Variants in FARP2 observed in about 807,000 individuals in gnomAD.
FARP2 encodes FERM, ARHGEF and pleckstrin domain-containing protein 2.
Under a neutral mutation model 130.5 loss-of-function variants are expected in FARP2, and 111 were observed. That is an observed-to-expected ratio of 0.85 (90% confidence interval 0.73 to 1.00). FARP2 has a LOEUF of 1.00. Ranked by LOEUF, FARP2 falls within the 50% of genes least tolerant of loss-of-function variation. The pLI, the probability that FARP2 is intolerant of heterozygous loss-of-function variation, is 0.00. For missense variants in FARP2, 1,385 were observed against 1,346.3 expected (o/e 1.03, Z -0.45); for synonymous variants, 504 against 516.9 (o/e 0.98, Z 0.34).
chr2:241,371,201 T>C (rs1165961839), intron 1 of FARP2, among the ~76,000 whole-genome samples: 1 of 152,192 alleles, frequency 6.6e-6, no homozygotes, highest in African/African-American at 2.4e-5. Flanking sequence ...AAAAAGGTTC[T>C]TTTCTAGGTG....
At chr2:241,437,727 C>T (rs1337582614) in intron 12 of FARP2, among the ~76,000 whole-genome samples, 16 of 148,288 alleles carry the variant, frequency 1.1e-4, no homozygotes, top group African/African-American at 3.2e-4. Context: ...TATAGTGGCG[C>T]GATCTCGGCT....
Position 241,474,801 on chromosome 2 carries a change from T to TAATAAATAAATA in FARP2, c.2132-1029_2132-1018dup, listed in dbSNP as rs56306612. Reference sequence around the variant, plus strand: ...AGTGAGACCCTGTCTCTAATAATAATAATAAATAAATAAATAAATAAATAA... The same window carrying TAATAAATAAATA: ...AGTGAGACCCTGTCTCTAATAATAATAATAAATAAATAAATAAATAAATAAATAAATAAATAA... On this transcript the variant is annotated intron_variant, in intron 18 of 26. Coordinates refer to ENST00000264042, the MANE Select transcript of FARP2 (RefSeq NM_014808.4). Among the ~76,000 whole-genome samples, 1,306 of 140,308 alleles carry TAATAAATAAATA rather than the reference T, an allele frequency of 9.3e-3. 8 individuals are homozygous for TAATAAATAAATA. The highest frequency in any genetic ancestry group is 0.015 in the East Asian group (71 of 4,720). 92.0% of individuals were successfully genotyped at this position (140,308 alleles called of 152,430 possible). A position where few individuals can be genotyped will look rare whatever the true frequency, so the allele number is the denominator to read the frequency against.
chr2:241,464,580 A>C (rs979638334), intron 17 of FARP2, among the ~76,000 whole-genome samples: 9 of 152,134 alleles, frequency 5.9e-5, no homozygotes, highest in African/African-American at 2.2e-4. Flanking sequence ...GGGTCCACCC[A>C]AAACAGGGTC....
chr2:241,416,580 A>G (rs2062679136), intron 7 of FARP2, among the ~76,000 whole-genome samples: 2 of 152,144 alleles, frequency 1.3e-5, no homozygotes, highest in East Asian at 1.9e-4. Context: ...ACTGAATAGG[A>G]TATTAAAGAA....
Position 241,482,135 on chromosome 2 carries a change from C to A in FARP2, c.2263-1330C>A, listed in dbSNP as rs540011711. On this transcript the variant is annotated intron_variant, in intron 19 of 26. Coordinates refer to ENST00000264042, the MANE Select transcript of FARP2 (RefSeq NM_014808.4). The surrounding 1 kb of genome is among the most constrained non-coding windows in gnomAD (Gnocchi z 4.6). ...AACCAGGTATAAAGTTGATGAGGTG[C>A]CAAAGGGTAAAAAGAACTGTGAAGT... 2.6e-5 allele frequency among the ~76,000 whole-genome samples: 4 copies of A among 152,134 alleles called. No individual in the cohort carries two copies. The highest frequency in any genetic ancestry group is 1.3e-4 in the Admixed American group (2 of 15,278).
At chr2:241,387,541 C>T (rs888861797) in intron 2 of FARP2, among the ~76,000 whole-genome samples, 2 of 152,048 alleles carry the variant, frequency 1.3e-5, no homozygotes, top group Non-Finnish European at 2.9e-5. Flanking sequence ...TGCCTGTAAT[C>T]CCAGCACTTT....
At chr2:241,401,557 G>C (rs1559733563) in intron 2 of FARP2, among the ~76,000 whole-genome samples, 1 of 152,028 alleles carries the variant, frequency 6.6e-6, no homozygotes. Flanking sequence ...TGTAGAGACA[G>C]GGTCTCTGTT....
In FARP2 at chr2:241,475,688, C is replaced by G. The variant is rs1015778764; in HGVS notation, c.2132-169C>G. Reference sequence around the variant, plus strand: ...TGGAAAAATTGTCTTCCATGAAACCCATCCCTGGTACCAAAAATGTTGGGG... The same window carrying G: ...TGGAAAAATTGTCTTCCATGAAACCGATCCCTGGTACCAAAAATGTTGGGG... On this transcript the variant is annotated intron_variant, in intron 18 of 26. Coordinates refer to ENST00000264042, the MANE Select transcript of FARP2 (RefSeq NM_014808.4). This position sits in a 1 kb window ranked among gnomAD's most constrained non-coding sequence, Gnocchi z 4.4. Among the ~76,000 whole-genome samples, 3 of 152,202 alleles carry G rather than the reference C, an allele frequency of 2.0e-5. No homozygotes were observed. Among genetic ancestry groups the G allele is most frequent in the African/African-American group, 7.2e-5 (3 of 41,452 alleles).
At chr2:241,483,231 G>C (rs2064661303) in intron 19 of FARP2, among the ~76,000 whole-genome samples, 2 of 152,358 alleles carry the variant, frequency 1.3e-5, no homozygotes, top group East Asian at 1.9e-4. Context: ...CCCAGAGCAG[G>C]TGCTCAGTAG....
intron 14 of FARP2, among the ~76,000 whole-genome samples, chr2:241,462,200 C>T (rs1318852098): frequency 6.6e-6 from 1 of 152,160 alleles, no homozygotes; most frequent in Non-Finnish European, 1.5e-5. Context: ...AATTTATAAG[C>T]ACACACACAC....
chr2:241,413,260 C>T, intron 6 of FARP2, 47 bp from the exon 7 acceptor site: 1 of 1,186,484 alleles, frequency 8.4e-7, no homozygotes, highest in Non-Finnish European at 1.2e-6. Context: ...CATACAAATG[C>T]TTGTAGTTTA....
chr2:241,469,439 G>A (rs1037335940), intron 18 of FARP2, among the ~76,000 whole-genome samples: 2 of 152,216 alleles, frequency 1.3e-5, no homozygotes, highest in South Asian at 4.2e-4. Context: ...AAAATACTTA[G>A]CATTTCCTCT....
intron 13 of FARP2, chr2:241,446,380 T>C (rs1387218332): frequency 6.6e-6 from 1 of 152,254 alleles, no homozygotes; most frequent in Non-Finnish European, 1.5e-5. Flanking sequence ...ACCTGTTGGT[T>C]AAGTCATTCC....
intron 13 of FARP2, among the ~76,000 whole-genome samples, chr2:241,454,370 A>G (rs2063776524): frequency 1.3e-5 from 2 of 152,172 alleles, no homozygotes; most frequent in Non-Finnish European, 2.9e-5. Flanking sequence ...TCCAGAAGCA[A>G]TGAGTGGGAG....
At chr2:241,483,916 T>G (rs1357472885) in intron 20 of FARP2, 1 of 985,472 alleles carries the variant, frequency 1.0e-6, no homozygotes, top group Non-Finnish European at 1.2e-6. Flanking sequence ...AGCATGTCCT[T>G]GTTCCTACCA....
rs561153348 is a variant in FARP2 at position 241,433,491 on chromosome 2, A to T, written c.868-667A>T. On this transcript the variant is annotated intron_variant, in intron 9 of 26. Coordinates refer to ENST00000264042, the MANE Select transcript of FARP2 (RefSeq NM_014808.4). ...GTCCTGGACATCTAAAATATCCTAGATTTTAAAAATATATACCATGTAGAA... is the reference window on the plus strand; with the variant it reads ...GTCCTGGACATCTAAAATATCCTAGTTTTTAAAAATATATACCATGTAGAA... Among the ~76,000 whole-genome samples the T allele has an allele frequency of 2.0e-5, 3 of 149,732 alleles. No individual in the cohort carries two copies. In the East Asian group the frequency reaches 5.9e-4, roughly 29 times the overall value.
At chr2:241,378,107 T>C (rs2061579614) in intron 2 of FARP2, among the ~76,000 whole-genome samples, 1 of 151,864 alleles carries the variant, frequency 6.6e-6, no homozygotes, top group African/African-American at 2.4e-5. Context: ...TTTTATTTTA[T>C]TATTTTTTTT....
At chr2:241,484,153 C>T (rs1256357096) in intron 20 of FARP2, 89 bp from the exon 21 acceptor site, 6 of 1,582,510 alleles carry the variant, frequency 3.8e-6, no homozygotes, top group Non-Finnish European at 2.6e-6. Flanking sequence ...ATCTGATGTC[C>T]ACATGATGAG....
At chr2:241,491,028 C>T (rs778888174) in intron 22 of FARP2, 33 bp from the exon 23 acceptor site, 5 of 1,519,232 alleles carry the variant, frequency 3.3e-6, no homozygotes, top group Non-Finnish European at 4.6e-6. Context: ...CAAGGAAGAG[C>T]AGAGCCACTG....
Sources: gnomAD v4.1 joint callset for allele counts (sites outside exome capture counted in the v4.1 genomes callset) on GRCh38, gnomAD v4.1.1 for gene constraint, Gnocchi (gnomAD v3.1) non-coding constraint, MANE v1.5 for transcripts, NCBI Gene and HGNC (gene_info 2026-07-23, HGNC 2026-07-21) for gene names.